RASD2: variants seen among roughly 807,000 people sequenced by gnomAD.
The protein encoded by RASD2 is RASD family member 2.
Under a neutral mutation model 15.8 loss-of-function variants are expected in RASD2, and 7 were observed. The observed-to-expected ratio is 0.44, with a 90% CI of 0.25 to 0.83. The LOEUF is 0.83. Ranked by LOEUF, RASD2 falls within the 40% of genes least tolerant of loss-of-function variation. The pLI, the probability that RASD2 is intolerant of heterozygous loss-of-function variation, is 0.20. For missense variants in RASD2, 274 were observed against 382.8 expected (o/e 0.72, Z 2.37); for synonymous variants, 155 against 153.6 (o/e 1.01, Z -0.07).
intron 1 of RASD2, among the ~76,000 whole-genome samples, chr22:35,546,386 G>A (rs1934503422): frequency 6.6e-6 from 1 of 152,186 alleles, no homozygotes; most frequent in South Asian, 2.1e-4. Flanking sequence ...GGAAAGAACG[G>A]ATTCTCACCA....
chr22:35,539,332 C>A (rs113637735), upstream of RASD2, among the ~76,000 whole-genome samples: 1 of 152,152 alleles, frequency 6.6e-6, no homozygotes, highest in East Asian at 1.9e-4. Context: ...ATGGAGCTGA[C>A]CCCTCAGGTG....
At chr22:35,546,507 G>C (rs959215282) in intron 1 of RASD2, among the ~76,000 whole-genome samples, 1 of 152,190 alleles carries the variant, frequency 6.6e-6, no homozygotes, top group Non-Finnish European at 1.5e-5. Context: ...TAAGCTACTA[G>C]CCCAAGATCA....
intron 1 of RASD2, among the ~76,000 whole-genome samples, chr22:35,544,360 C>T (rs999433874): frequency 6.6e-6 from 1 of 152,012 alleles, no homozygotes; most frequent in Non-Finnish European, 1.5e-5. Context: ...CCCCTCTCCA[C>T]CCTCCTCTCT....
In RASD2 at chr22:35,551,873, C is replaced by T; in HGVS notation, c.642C>T (p.Pro214=). 6.2e-7 allele frequency: 1 copy of T among 1,613,962 alleles called. No individual in the cohort carries two copies. The highest frequency in any genetic ancestry group is 8.5e-7 in the Non-Finnish European group (1 of 1,180,048). Residue 214 remains proline, a synonymous_variant, in exon 3 of 3, where the codon CCC becomes CCT. Coordinates refer to ENST00000216127, the MANE Select transcript of RASD2 (RefSeq NM_014310.4). The surrounding 1 kb of genome is among the most constrained non-coding windows in gnomAD (Gnocchi z 4.9). Reference sequence around the variant, plus strand: ...TGCAGTACGGTGACGCCTTCCACCCCAGGCCCTTCTGCATGCGCCGCGTCA... The same window carrying T: ...TGCAGTACGGTGACGCCTTCCACCCTAGGCCCTTCTGCATGCGCCGCGTCA... ...ISVQYGDAFH[P]RPFCMRRVKE...
At position 35,546,984 on chromosome 22, in the gene RASD2, G is replaced by T; in HGVS notation, c.175G>T (p.Val59Leu). 3 of 1,614,130 alleles carry T rather than the reference G, an allele frequency of 1.9e-6. No individual in the cohort carries two copies. Among genetic ancestry groups the T allele is most frequent in the Non-Finnish European group, 2.5e-6 (3 of 1,180,020 alleles). The change falls in exon 2 of 3, where the codon GTA becomes TTA. Residue 59 changes from valine (V) to leucine (L), a missense_variant. Transcript: ENST00000216127. Reference sequence around the variant, plus strand: ...CACCATCGAGGACTTCCACCGTAAGGTATACAACATCCGCGGCGACATGTA... The same window carrying T: ...CACCATCGAGGACTTCCACCGTAAGTTATACAACATCCGCGGCGACATGTA... ...TPTIEDFHRK[V>L]YNIRGDMYQL...
chr22:35,541,781 G>T (rs1934354242), intron 1 of RASD2, among the ~76,000 whole-genome samples: 1 of 152,184 alleles, frequency 6.6e-6, no homozygotes, highest in Non-Finnish European at 1.5e-5. Flanking sequence ...TGCTAGTTTT[G>T]GTGCCACAGG....
intron 1 of RASD2, 116 bp from the exon 2 acceptor site, chr22:35,546,685 A>G (rs1934511056): frequency 1.5e-6 from 2 of 1,372,404 alleles, no homozygotes; most frequent in Non-Finnish European, 1.9e-6. Flanking sequence ...ACCTCGTCTG[A>G]TGTTCCCATT....
At chr22:35,544,628 C>T (rs913549231) in intron 1 of RASD2, among the ~76,000 whole-genome samples, 1 of 152,168 alleles carries the variant, frequency 6.6e-6, no homozygotes, top group Admixed American at 6.5e-5. Context: ...TAGGTGGGAG[C>T]TGGGTGGGGG....
At position 35,552,137 on chromosome 22, in the gene RASD2, C is replaced by A; in HGVS notation, c.*105C>A. 2 of 1,415,306 alleles carry A rather than the reference C, an allele frequency of 1.4e-6. No individual in the cohort carries two copies. The highest frequency in any genetic ancestry group is 2.8e-5 in the South Asian group (2 of 72,048). 87.7% of individuals were successfully genotyped at this position (1,415,306 alleles called of 1,614,324 possible). On this transcript the variant is annotated 3_prime_UTR_variant, in exon 3 of 3. Transcript: ENST00000216127. Reference sequence around the variant, plus strand: ...GAGGCCCCGGCAGCAGTCTTGTTCACAGACCTTAGGCACCAGACTGGAGGC... The same window carrying A: ...GAGGCCCCGGCAGCAGTCTTGTTCAAAGACCTTAGGCACCAGACTGGAGGC...
At chr22:35,544,395 T>C (rs994496896) in intron 1 of RASD2, among the ~76,000 whole-genome samples, 2 of 152,216 alleles carry the variant, frequency 1.3e-5, no homozygotes, top group African/African-American at 4.8e-5. Flanking sequence ...CCCACACGTA[T>C]GCCCTGGGCA....
At position 35,551,980 on chromosome 22, in the gene RASD2, A is replaced by C; in HGVS notation, c.749A>C (p.Lys250Thr). The C allele has an allele frequency of 6.2e-7, 1 of 1,601,922 alleles. No homozygotes were observed. The highest frequency in any genetic ancestry group is 8.5e-7 in the Non-Finnish European group (1 of 1,179,932). ...VNSDLKYIKA[K>T]VLREGQARER... is the part of the protein sequence containing the mutation. ...AGTGACCTCAAGTACATCAAGGCCA[A>C]GGTCCTTCGGGAAGGCCAGGCCCGT... Residue 250 changes from lysine to threonine, a missense_variant, in exon 3 of 3, where the codon AAG becomes ACG. By Grantham distance (78) the Lys-to-Thr change is moderately conservative. Transcript: ENST00000216127. This position sits in a 1 kb window ranked among gnomAD's most constrained non-coding sequence, Gnocchi z 4.9.
upstream of RASD2, among the ~76,000 whole-genome samples, chr22:35,540,643 C>A (rs1396744340): frequency 6.6e-6 from 1 of 152,128 alleles, no homozygotes; most frequent in Non-Finnish European, 1.5e-5. Flanking sequence ...GCGACCTCTT[C>A]GCCCTGCGGG....
intron 1 of RASD2, among the ~76,000 whole-genome samples, chr22:35,543,943 CTCCCTGCCTCCTCTCTCTGAT>C (rs1232837837): frequency 1.3e-5 from 2 of 150,876 alleles, no homozygotes. Flanking sequence ...CTCTCTCTGA[CTCCCTGCCTCCTCTCTCTGAT>C]TCCCTGCCTC....
In RASD2 at chr22:35,552,643, CA is replaced by C; in HGVS notation, c.*612del. 2 of 153,100 alleles carry C rather than the reference CA, an allele frequency of 1.3e-5. No homozygotes were observed. The highest frequency in any genetic ancestry group is 4.8e-5 in the African/African-American group (2 of 41,336). The allele number at this position is 153,100 out of a possible 1,614,324, so 9.5% of individuals were successfully genotyped here. A position where few individuals can be genotyped will look rare whatever the true frequency, so the allele number is the denominator to read the frequency against. ...GCCACACCTCCTAGACCACGCCCAC[CA>C]CTTAGACCACGCCCACCTCCTGACC... On this transcript the variant is annotated 3_prime_UTR_variant, in exon 3 of 3. Transcript: ENST00000216127.
intron 2 of RASD2, among the ~76,000 whole-genome samples, chr22:35,549,393 C>T (rs1402818579): frequency 6.6e-6 from 1 of 152,166 alleles, no homozygotes; most frequent in East Asian, 1.9e-4. Flanking sequence ...CATTTTCCTG[C>T]TGCTCAGGAA....
the RASD2 span, among the ~76,000 whole-genome samples, chr22:35,535,221 T>G: frequency 6.6e-6 from 1 of 151,844 alleles, no homozygotes; most frequent in Non-Finnish European, 1.5e-5. Flanking sequence ...CTGGGCAACA[T>G]AGCAAGACCC....
chr22:35,533,177 C>T, the RASD2 span, among the ~76,000 whole-genome samples: 6 of 152,240 alleles, frequency 3.9e-5, no homozygotes, highest in African/African-American at 1.2e-4. Context: ...AAATGTTAGG[C>T]TAGAAGGCCT....
At chr22:35,546,732 G>C (rs1171945664) in intron 1 of RASD2, 69 bp from the exon 2 acceptor site, 5 of 1,550,196 alleles carry the variant, frequency 3.2e-6, no homozygotes, top group African/African-American at 2.7e-5. Context: ...CAGAGGCCTA[G>C]AGGAGGCCAA....
intron 1 of RASD2, among the ~76,000 whole-genome samples, chr22:35,542,491 G>A (rs549928055): frequency 7.9e-5 from 12 of 152,358 alleles, no homozygotes; most frequent in African/African-American, 2.9e-4. Flanking sequence ...GGGCTGGTGA[G>A]AGGCAGAGTT....
Sources: gnomAD v4.1 joint callset for allele counts (sites outside exome capture counted in the v4.1 genomes callset) on GRCh38, gnomAD v4.1.1 for gene constraint, Gnocchi (gnomAD v3.1) non-coding constraint, MANE v1.5 for transcripts, NCBI Gene and HGNC (gene_info 2026-07-23, HGNC 2026-07-21) for gene names.